The following GRIA1 variants were observed in gnomAD, a reference collection of about 807,000 sequenced individuals.
GRIA1 encodes the protein glutamate ionotropic receptor AMPA type subunit 1.
In GRIA1, 31 loss-of-function variants were observed where a neutral mutation model predicts 99.2. The ratio of observed to expected loss-of-function variants is 0.31; its 90% confidence interval spans 0.23 to 0.42. The LOEUF (loss-of-function observed/expected upper bound fraction) is 0.42. Ranked by LOEUF, GRIA1 falls within the 10% of genes least tolerant of loss-of-function variation. GRIA1 has a pLI of 1.00. For synonymous variants in GRIA1, 438 were observed against 432.4 expected (o/e 1.01, Z -0.16); for missense variants, 782 against 1,157.5 (o/e 0.68, Z 4.71).
chr5:153,616,465 A>AGCT (rs1443745643), intron 2 of GRIA1, among the ~76,000 whole-genome samples: 1 of 142,036 alleles, frequency 7.0e-6, no homozygotes, highest in Admixed American at 6.9e-5. Flanking sequence ...ATCAATGATG[A>AGCT]GCTAAAAAAA....
chr5:153,685,821 T>A (rs1757299224), intron 7 of GRIA1, among the ~76,000 whole-genome samples: 1 of 152,202 alleles, frequency 6.6e-6, no homozygotes, highest in Non-Finnish European at 1.5e-5. Context: ...TCTGACTCAT[T>A]AGTGATGGTG....
intron 2 of GRIA1, among the ~76,000 whole-genome samples, chr5:153,518,710 TC>T (rs1756852798): frequency 6.6e-6 from 1 of 152,250 alleles, no homozygotes; most frequent in Non-Finnish European, 1.5e-5. Flanking sequence ...GTATTTTTTT[TC>T]ATATAATTGC....
chr5:153,792,868 T>A (rs1196010413), intron 13 of GRIA1, among the ~76,000 whole-genome samples: 2 of 152,194 alleles, frequency 1.3e-5, no homozygotes, highest in African/African-American at 2.4e-5. Flanking sequence ...GATCTGTTAA[T>A]GGAAATTGCT....
intron 9 of GRIA1, 31 bp from the exon 10 acceptor site, chr5:153,698,836 A>C (rs943418839): frequency 2.1e-6 from 3 of 1,456,006 alleles, no homozygotes; most frequent in African/African-American, 1.4e-5. Context: ...CCCATAACCC[A>C]CATTCTGCTA....
At chr5:153,643,368 G>A (rs559292925) in intron 2 of GRIA1, among the ~76,000 whole-genome samples, 8 of 152,250 alleles carry the variant, frequency 5.3e-5, no homozygotes, top group African/African-American at 9.6e-5. Context: ...AAAGAGAATC[G>A]TCCAGGTCTT....
At chr5:153,538,738 T>C (rs1291264931) in intron 2 of GRIA1, among the ~76,000 whole-genome samples, 1 of 152,190 alleles carries the variant, frequency 6.6e-6, no homozygotes, top group East Asian at 1.9e-4. Context: ...CATGTCCCTA[T>C]TTCTCCCTCT....
chr5:153,540,434 C>T (rs571815195), intron 2 of GRIA1, among the ~76,000 whole-genome samples: 4 of 152,274 alleles, frequency 2.6e-5, no homozygotes, highest in African/African-American at 9.6e-5. Flanking sequence ...CACATATATC[C>T]ATCATCCAGA....
intron 6 of GRIA1, among the ~76,000 whole-genome samples, chr5:153,675,064 AT>A (rs1756469384): frequency 6.6e-6 from 1 of 152,170 alleles, no homozygotes; most frequent in South Asian, 2.1e-4. Context: ...AAAAAAAAAC[AT>A]GCAATGCACA....
chr5:153,759,882 A>G (rs1016200654), intron 11 of GRIA1, among the ~76,000 whole-genome samples: 2 of 152,120 alleles, frequency 1.3e-5, no homozygotes, highest in African/African-American at 4.8e-5. Flanking sequence ...GGATGCAAGA[A>G]TGGTTCAACA....
At chr5:153,545,209 C>A (rs542334903) in intron 2 of GRIA1, among the ~76,000 whole-genome samples, 1 of 152,176 alleles carries the variant, frequency 6.6e-6, no homozygotes, top group African/African-American at 2.4e-5. Context: ...AGGGTCCAGG[C>A]TCATCGGAGA....
chr5:153,571,225 C>T (rs1762089219), intron 2 of GRIA1, among the ~76,000 whole-genome samples: 1 of 152,186 alleles, frequency 6.6e-6, no homozygotes, highest in African/African-American at 2.4e-5. Context: ...TATTTGCCGA[C>T]TGGGGGCACT....
At chr5:153,736,847 C>A (rs916870001) in intron 11 of GRIA1, among the ~76,000 whole-genome samples, 4 of 152,134 alleles carry the variant, frequency 2.6e-5, no homozygotes, top group Admixed American at 2.0e-4. Flanking sequence ...CTCCTTCCAC[C>A]CCTCCTCAGT....
At chr5:153,684,293 A>T in intron 7 of GRIA1, among the ~76,000 whole-genome samples, 1 of 152,234 alleles carries the variant, frequency 6.6e-6, no homozygotes, top group East Asian at 1.9e-4. Flanking sequence ...CACCATTAAC[A>T]ACAATAATAA....
At chr5:153,733,247 T>G (rs79498214) in intron 11 of GRIA1, among the ~76,000 whole-genome samples, 2,230 of 152,152 alleles carry the variant, frequency 0.015, 16 homozygotes, top group Middle Eastern at 0.027. Context: ...TGCATATAAT[T>G]TAAACTCTAA....
chr5:153,627,986 C>G (rs548206948), intron 2 of GRIA1, among the ~76,000 whole-genome samples: 1,748 of 152,252 alleles, frequency 0.011, 37 homozygotes, highest in African/African-American at 0.04. Context: ...GGGAGGCAAA[C>G]CCAGGCAGGC....
At chr5:153,491,928 G>A (rs1753953430) in intron 1 of GRIA1, among the ~76,000 whole-genome samples, 1 of 152,150 alleles carries the variant, frequency 6.6e-6, no homozygotes, top group Admixed American at 6.5e-5. Flanking sequence ...ATGAGGGAAA[G>A]CAAAACAAAC....
At chr5:153,585,410 G>C (rs999715201) in intron 2 of GRIA1, among the ~76,000 whole-genome samples, 1 of 137,146 alleles carries the variant, frequency 7.3e-6, no homozygotes, top group Non-Finnish European at 1.5e-5. Flanking sequence ...CCGGGTCCAA[G>C]CAATTTTCCT....
intron 8 of GRIA1, among the ~76,000 whole-genome samples, chr5:153,689,712 C>T (rs897200850): frequency 6.6e-6 from 1 of 152,174 alleles, no homozygotes; most frequent in Non-Finnish European, 1.5e-5. Context: ...CTTAATTCCT[C>T]TCAGCTCTGA....
intron 2 of GRIA1, among the ~76,000 whole-genome samples, chr5:153,609,352 T>G (rs951346141): frequency 6.6e-6 from 1 of 152,110 alleles, no homozygotes; most frequent in Non-Finnish European, 1.5e-5. Flanking sequence ...GGAGTATTCG[T>G]CCAAATTACA....
Sources: allele counts gnomAD v4.1 joint callset (sites outside exome capture counted in the v4.1 genomes callset), GRCh38; gene constraint gnomAD v4.1.1; transcripts MANE v1.5; gene names NCBI Gene and HGNC (gene_info 2026-07-23, HGNC 2026-07-21).